HSPH1: variants seen among roughly 807,000 people sequenced by gnomAD.
HSPH1 encodes heat shock protein family H (Hsp110) member 1.
A neutral mutation model predicts 100.0 loss-of-function variants in HSPH1; 40 were observed. The observed-to-expected ratio is 0.40, with a 90% CI of 0.31 to 0.52. HSPH1 has a LOEUF of 0.52. Among genes scored for constraint, HSPH1 ranks in the 20% least tolerant of loss-of-function variants. HSPH1 has a pLI of 0.54. For synonymous variants in HSPH1, 403 were observed against 344.0 expected, an observed-to-expected ratio of 1.17 and a Z score of -1.90; for missense variants, 876 against 1,015.1, an observed-to-expected ratio of 0.86 and a Z score of 1.86.
chr13:31,147,560 G>A (rs17075550), intron 10 of HSPH1, among the ~76,000 whole-genome samples: 2,594 of 152,090 alleles, frequency 0.017, 76 homozygotes, highest in African/African-American at 0.06. Context: ...CACAATGGTC[G>A]CTGACTCAGG....
intron 2 of HSPH1, among the ~76,000 whole-genome samples, chr13:31,158,280 T>A (rs1001571399): frequency 6.6e-6 from 1 of 152,090 alleles, no homozygotes; most frequent in Non-Finnish European, 1.5e-5. Context: ...AGGCCAGGCG[T>A]AGGCTCACAC....
At chr13:31,143,720 C>T (rs896751176) in intron 12 of HSPH1, 72 bp downstream of exon 12, 89 of 1,275,306 alleles carry the variant, frequency 7.0e-5, no homozygotes, top group Admixed American at 5.9e-4. Context: ...CTTGAAACTG[C>T]AATTTAATGA....
intron 1 of HSPH1, 143 bp downstream of exon 1, chr13:31,161,333 G>A: frequency 7.1e-6 from 10 of 1,412,188 alleles, no homozygotes; most frequent in Non-Finnish European, 6.6e-6. Context: ...CCGGGTCGCT[G>A]GTCCCTAGTT....
chr13:31,155,245 AT>A lies in HSPH1; in HGVS notation c.306+268del, dbSNP rs995003528. On this transcript the variant is annotated intron_variant, in intron 3 of 17. Coordinates refer to ENST00000320027, the MANE Select transcript of HSPH1 (RefSeq NM_006644.4). ...TGTTTGATACATGAACACAATGTCG[AT>A]TTTTTTTCCAACATCAAATAAACCT... Among the ~76,000 whole-genome samples, 4 of 152,084 alleles carry A rather than the reference AT, an allele frequency of 2.6e-5. No individual in the cohort carries two copies. In the South Asian group the frequency reaches 6.2e-4, roughly 24 times the overall value.
intron 1 of HSPH1, 70 bp from the exon 2 acceptor site, chr13:31,158,933 T>C (rs944086027): frequency 5.2e-6 from 5 of 953,452 alleles, no homozygotes; most frequent in African/African-American, 4.9e-5. Flanking sequence ...AAGAGAAAAA[T>C]ACTAACATAA....
chr13:31,161,825 G>A lies in HSPH1; in HGVS notation c.-243C>T. On this transcript the variant is annotated 5_prime_UTR_variant, in exon 1 of 18. Transcript: ENST00000320027. The stretch of plus-strand genomic sequence containing the variant: ...TGGGAGAAAGCGGGGCTCAGCCTCC[G>A]CAGGTCGCTCCGCACCTCGGGTTGC... 1 of 1,478,008 alleles carries A rather than the reference G, an allele frequency of 6.8e-7. No homozygotes were observed. The highest frequency in any genetic ancestry group is 9.0e-7 in the Non-Finnish European group (1 of 1,115,562). The allele number at this position is 1,478,008 out of a possible 1,614,324, so 91.6% of individuals were successfully genotyped here.
chr13:31,141,927 A>T (rs1157218494), intron 12 of HSPH1, among the ~76,000 whole-genome samples: 2 of 152,142 alleles, frequency 1.3e-5, no homozygotes, highest in Admixed American at 6.5e-5. Context: ...CTGATGTGAC[A>T]CATGCCAATC....
At chr13:31,154,571 A>C in intron 4 of HSPH1, 62 bp downstream of exon 4, 3 of 1,588,990 alleles carry the variant, frequency 1.9e-6, no homozygotes, top group South Asian at 1.1e-5. Flanking sequence ...TTTCATACTT[A>C]AAAGTAATAC....
rs1226628004 is a variant in HSPH1 at position 31,161,852 on chromosome 13, TG to T, written c.-271del. The T allele has an allele frequency of 7.4e-6, 11 of 1,478,996 alleles. No homozygotes were observed. In the Admixed American group the frequency reaches 1.8e-4, roughly 24 times the overall value. The allele number at this position is 1,478,996 out of a possible 1,614,324, so 91.6% of individuals were successfully genotyped here. ...AGGTCGCTCCGCACCTCGGGTTGCC[TG>T]CCTCACTCTGCCGCGGCTCGCACAC... On this transcript the variant is annotated 5_prime_UTR_variant, in exon 1 of 18. Transcript: ENST00000320027.
chr13:31,147,619 A>G (rs1407829858), intron 10 of HSPH1, among the ~76,000 whole-genome samples: 2 of 152,118 alleles, frequency 1.3e-5, no homozygotes, highest in Non-Finnish European at 2.9e-5. Flanking sequence ...TCTAGAGAAA[A>G]AGTTAGTATT....
intron 11 of HSPH1, among the ~76,000 whole-genome samples, chr13:31,145,025 G>A (rs968532476): frequency 2.6e-5 from 4 of 151,912 alleles, no homozygotes; most frequent in Non-Finnish European, 5.9e-5. Context: ...TTCTTCTGTT[G>A]ACCACACAGA....
intron 14 of HSPH1, 179 bp from the exon 15 acceptor site, chr13:31,139,286 T>C (rs1475725182): frequency 3.5e-6 from 2 of 572,302 alleles, no homozygotes; most frequent in East Asian, 5.6e-5. Context: ...AAATATTTTA[T>C]CTTAGAAGCC....
rs763505424 is a variant in HSPH1, at chr13:31,148,059, A to C, written c.1278T>G (p.Ala426=). The C allele has an allele frequency of 6.2e-7, 1 of 1,610,184 alleles. No homozygotes were observed. The highest frequency in any genetic ancestry group is 1.1e-5 in the South Asian group (1 of 90,186). ...GAAAGGTGAGAACTTTGGAGAAAGG[A>C]GCAGCATGGTTTCGACTAAAGACTT... ...VHEVFSRNHA[A]PFSKVLTFLR... The change falls in exon 10 of 18, where the codon GCT becomes GCG. Residue 426 remains alanine (A), a synonymous_variant. Coordinates refer to ENST00000320027, the MANE Select transcript of HSPH1 (RefSeq NM_006644.4).
At chr13:31,152,649 T>C (rs1328240148) in intron 5 of HSPH1, 1 of 367,302 alleles carries the variant, frequency 2.7e-6, no homozygotes. Flanking sequence ...TGAAAAGAAT[T>C]CTCTAATGAA....
intron 12 of HSPH1, 34 bp downstream of exon 12, chr13:31,143,758 T>C (rs201263609): frequency 1.4e-4 from 217 of 1,561,838 alleles, no homozygotes; most frequent in Middle Eastern, 1.0e-3. Flanking sequence ...CTTTGCAACA[T>C]TGTCTAATGG....
Position 31,141,103 on chromosome 13 carries a change from A to T in HSPH1, c.1854+19T>A. On this transcript the variant is annotated intron_variant, in intron 13 of 17. Coordinates refer to ENST00000320027, the MANE Select transcript of HSPH1 (RefSeq NM_006644.4). ...ACTAAACATATTTCAAAATAAAAAT[A>T]TTTAATTGAAGTACTTACCTCTGTC... The T allele has an allele frequency of 6.9e-7, 1 of 1,448,466 alleles. No homozygotes were observed. Among genetic ancestry groups the T allele is most frequent in the Non-Finnish European group, 9.3e-7 (1 of 1,071,206 alleles). The allele number at this position is 1,448,466 out of a possible 1,614,324, so 89.7% of individuals were successfully genotyped here. A position where few individuals can be genotyped will look rare whatever the true frequency, so the allele number is the denominator to read the frequency against.
chr13:31,161,701 G>T lies in HSPH1; in HGVS notation c.-119C>A. 3 of 1,539,542 alleles carry T rather than the reference G, an allele frequency of 1.9e-6. No homozygotes were observed. The East Asian group carries it at 7.3e-5, about 37-fold the overall frequency. On this transcript the variant is annotated 5_prime_UTR_variant, in exon 1 of 18. Coordinates refer to ENST00000320027, the MANE Select transcript of HSPH1 (RefSeq NM_006644.4). ...GTTCTGCTCCGGCCCGCGGGGTCTGGCCGTTCCTCTGACACTCAGAAGGAC... is the reference window on the plus strand; with the variant it reads ...GTTCTGCTCCGGCCCGCGGGGTCTGTCCGTTCCTCTGACACTCAGAAGGAC...
intron 12 of HSPH1, among the ~76,000 whole-genome samples, chr13:31,143,339 C>T (rs938253651): frequency 6.6e-6 from 1 of 152,074 alleles, no homozygotes; most frequent in East Asian, 1.9e-4. Flanking sequence ...CTGGTTATTA[C>T]CAGATCACCA....
At chr13:31,144,178 G>A (rs1212984054) in intron 11 of HSPH1, among the ~76,000 whole-genome samples, 1 of 152,118 alleles carries the variant, frequency 6.6e-6, no homozygotes, top group Admixed American at 6.6e-5. Context: ...TTGATGTGAT[G>A]ACAATCAAGA....
Sources: gnomAD v4.1 joint callset for allele counts (sites outside exome capture counted in the v4.1 genomes callset) on GRCh38, gnomAD v4.1.1 for gene constraint, MANE v1.5 for transcripts, NCBI Gene and HGNC (gene_info 2026-07-23, HGNC 2026-07-21) for gene names.